The following STAC variants were observed in gnomAD, a reference collection of about 807,000 sequenced individuals.
STAC encodes SH3 and cysteine-rich domain-containing protein.
STAC carries 43 observed loss-of-function variants against 48.8 expected under a neutral mutation model. The ratio of observed to expected loss-of-function variants is 0.88; its 90% confidence interval spans 0.69 to 1.14. STAC has a LOEUF of 1.14. Ranked by LOEUF, STAC falls within the 50% of genes most tolerant of loss-of-function variation. The probability of loss-of-function intolerance (pLI) is 0.00; values close to 1 mark genes in which losing one functional copy is unlikely to be tolerated. For missense variants in STAC, 497 were observed against 504.0 expected (o/e 0.99, Z 0.13); for synonymous variants, 193 against 179.5 (o/e 1.07, Z -0.60).
intron 2 of STAC, among the ~76,000 whole-genome samples, chr3:36,451,615 T>G (rs1234736702): frequency 1.3e-5 from 2 of 152,230 alleles, no homozygotes; most frequent in African/African-American, 2.4e-5. Flanking sequence ...CTTCTTTTCT[T>G]TCCTTTTCAT....
chr3:36,536,871 A>G (rs1044043113), intron 10 of STAC, among the ~76,000 whole-genome samples: 1 of 151,960 alleles, frequency 6.6e-6, no homozygotes, highest in Non-Finnish European at 1.5e-5. Flanking sequence ...AAAAACCCCA[A>G]TAAAAAGTGG....
intron 8 of STAC, among the ~76,000 whole-genome samples, chr3:36,522,506 G>T (rs1028338661): frequency 2.6e-5 from 4 of 151,950 alleles, no homozygotes; most frequent in Non-Finnish European, 2.9e-5. Context: ...TAATTTTTTT[G>T]ATTTTTGTAT....
At chr3:36,429,560 C>T (rs1700642681) in intron 1 of STAC, among the ~76,000 whole-genome samples, 1 of 152,136 alleles carries the variant, frequency 6.6e-6, no homozygotes, top group Non-Finnish European at 1.5e-5. Context: ...TGCTTCCTCC[C>T]CTTGCATGTC....
At position 36,546,348 on chromosome 3, in the gene STAC, C is replaced by A; in HGVS notation, c.*59C>A. ...CTCTGCTGCGATGCCTCTGCCTCAT[C>A]TCACACTGCGTCAACCCAAAGGAGC... On this transcript the variant is annotated 3_prime_UTR_variant, in exon 11 of 11. Coordinates refer to ENST00000273183, the MANE Select transcript of STAC (RefSeq NM_003149.3). The A allele has an allele frequency of 6.8e-7, 1 of 1,467,032 alleles. No homozygotes were observed. Among genetic ancestry groups the A allele is most frequent in the Non-Finnish European group, 9.6e-7 (1 of 1,046,618 alleles). 90.9% of individuals were successfully genotyped at this position (1,467,032 alleles called of 1,614,324 possible). A position where few individuals can be genotyped will look rare whatever the true frequency, so the allele number is the denominator to read the frequency against.
intron 1 of STAC, 71 bp downstream of exon 1, chr3:36,380,825 C>A: frequency 1.6e-6 from 2 of 1,243,656 alleles, no homozygotes. Context: ...CTTTGTCTCT[C>A]CTCCTATCTA....
chr3:36,447,041 G>A (rs1339203706), intron 2 of STAC, among the ~76,000 whole-genome samples: 4 of 152,164 alleles, frequency 2.6e-5, no homozygotes. Flanking sequence ...TCAGCAGAAG[G>A]AGAGTCAAAG....
intron 1 of STAC, among the ~76,000 whole-genome samples, chr3:36,424,856 A>C (rs1700527620): frequency 6.6e-6 from 1 of 152,194 alleles, no homozygotes; most frequent in Admixed American, 6.5e-5. Flanking sequence ...CTATCATTCC[A>C]TACTGATAGA....
At chr3:36,408,907 T>A (rs910362110) in intron 1 of STAC, among the ~76,000 whole-genome samples, 5 of 152,170 alleles carry the variant, frequency 3.3e-5, no homozygotes, top group African/African-American at 1.2e-4. Flanking sequence ...CCTAAATGAT[T>A]GGGTGGATGG....
intron 8 of STAC, among the ~76,000 whole-genome samples, chr3:36,519,521 G>A (rs1402264637): frequency 6.6e-6 from 1 of 152,138 alleles, no homozygotes; most frequent in Non-Finnish European, 1.5e-5. Context: ...CTCTGATAAA[G>A]CTGACAATTC....
intron 5 of STAC, among the ~76,000 whole-genome samples, chr3:36,489,366 T>C (rs1402131480): frequency 6.6e-6 from 1 of 152,170 alleles, no homozygotes; most frequent in African/African-American, 2.4e-5. Flanking sequence ...CAACACTTCA[T>C]TTCTCACACC....
At chr3:36,393,619 G>C (rs1431392979) in intron 1 of STAC, among the ~76,000 whole-genome samples, 1 of 150,904 alleles carries the variant, frequency 6.6e-6, no homozygotes, top group African/African-American at 2.4e-5. Context: ...GAGGGTGAAA[G>C]CTTCATGATG....
rs757002354 is a variant in STAC at position 36,493,171 on chromosome 3, T to A, written c.708T>A (p.Val236=). 4.3e-6 allele frequency: 7 copies of A among 1,613,336 alleles called. No homozygotes were observed. In the East Asian group the frequency reaches 1.6e-4, roughly 36 times the overall value. Residue 236 remains valine, a synonymous_variant, in exon 6 of 11, where the codon GTT becomes GTA. Transcript: ENST00000273183. ...CCAAGACTTCAGATCTTGTGGAGGT[T>A]CCTGAGGAAGCCAATGGGCCAGGAG... The part of the protein sequence containing the change: ...HRTSTSDLVE[V]PEEANGPGGG...
At chr3:36,457,840 G>T (rs757209035) in intron 2 of STAC, among the ~76,000 whole-genome samples, 1 of 152,160 alleles carries the variant, frequency 6.6e-6, no homozygotes, top group Non-Finnish European at 1.5e-5. Context: ...GTGACCCAGA[G>T]GGCAAAGGCT....
intron 1 of STAC, among the ~76,000 whole-genome samples, chr3:36,415,303 G>A (rs999202705): frequency 6.6e-6 from 1 of 152,126 alleles, no homozygotes; most frequent in Non-Finnish European, 1.5e-5. Flanking sequence ...TCCTTGAGCT[G>A]CGGTGGGCTC....
intron 2 of STAC, among the ~76,000 whole-genome samples, chr3:36,461,016 G>A (rs1697001918): frequency 6.6e-6 from 1 of 151,982 alleles, no homozygotes; most frequent in African/African-American, 2.4e-5. Flanking sequence ...GCAAAAACAA[G>A]AACAAGAGGA....
Position 36,484,958 on chromosome 3 carries a change from T to C in STAC, c.490-19T>C. ...TCTCCAGTGACATTAACCCCTTGCCTTCCTCATTCTCTCTCCAGCCAAAGG... is the reference window on the plus strand; with the variant it reads ...TCTCCAGTGACATTAACCCCTTGCCCTCCTCATTCTCTCTCCAGCCAAAGG... On this transcript the variant is annotated intron_variant, in intron 3 of 10. Transcript: ENST00000273183. 1 of 1,582,688 alleles carries C rather than the reference T, an allele frequency of 6.3e-7. No individual in the cohort carries two copies. Among genetic ancestry groups the C allele is most frequent in the Non-Finnish European group, 8.6e-7 (1 of 1,163,302 alleles).
chr3:36,546,009 G>T (rs1699435166), intron 10 of STAC, among the ~76,000 whole-genome samples, 182 bp from the exon 11 acceptor site: 1 of 151,414 alleles, frequency 6.6e-6, no homozygotes, highest in African/African-American at 2.4e-5. Context: ...CCAAACCTAG[G>T]TTTTTGCCTA....
intron 10 of STAC, among the ~76,000 whole-genome samples, chr3:36,537,244 A>G (rs1699219938): frequency 6.6e-6 from 1 of 152,204 alleles, no homozygotes. Context: ...AAATGCATGC[A>G]TATGTTCATT....
At chr3:36,475,273 T>A (rs73827517) in intron 2 of STAC, among the ~76,000 whole-genome samples, 4,189 of 151,170 alleles carry the variant, frequency 0.028, 175 homozygotes, top group African/African-American at 0.095. Context: ...TTTTTTTTTT[T>A]AATTCTACTA....
Sources: allele counts gnomAD v4.1 joint callset (sites outside exome capture counted in the v4.1 genomes callset), GRCh38; gene constraint gnomAD v4.1.1; transcripts MANE v1.5; gene names NCBI Gene and HGNC (gene_info 2026-07-23, HGNC 2026-07-21).